The following HLF variants were observed in gnomAD, a reference collection of about 807,000 sequenced individuals.
The protein encoded by HLF is HLF transcription factor, PAR bZIP family member, also known as hepatic leukemia factor.
In HLF, 3 loss-of-function variants were observed where a neutral mutation model predicts 22.6. The observed-to-expected ratio is 0.13, with a 90% CI of 0.06 to 0.34. The LOEUF (loss-of-function observed/expected upper bound fraction) is 0.34, where lower values mean the gene tolerates loss of function less well. Ranked by LOEUF, HLF falls within the 10% of genes least tolerant of loss-of-function variation. The probability of loss-of-function intolerance (pLI) is 1.00; values close to 1 mark genes in which losing one functional copy is unlikely to be tolerated. For missense variants in HLF, 299 were observed against 389.2 expected, an observed-to-expected ratio of 0.77 and a Z score of 1.95; for synonymous variants, 151 against 151.8, an observed-to-expected ratio of 0.99 and a Z score of 0.04.
At chr17:55,266,889 T>A (rs2080796855) in intron 1 of HLF, 2 of 737,430 alleles carry the variant, frequency 2.7e-6, no homozygotes, top group South Asian at 6.2e-5. Context: ...AACATAAATG[T>A]ATAGAATAAC....
rs116001454 is a variant in HLF, at chr17:55,284,460, A to G, written c.451+16374A>G. Among the ~76,000 whole-genome samples, 950 of 152,250 alleles carry G rather than the reference A, an allele frequency of 6.2e-3. 7 individuals carry two copies. Among genetic ancestry groups the G allele is most frequent in the African/African-American group, 0.021 (873 of 41,528 alleles). On this transcript the variant is annotated intron_variant, in intron 2 of 3. Coordinates refer to ENST00000226067, the MANE Select transcript of HLF (RefSeq NM_002126.5). ...GAGCTCTGCATACGGTTAACTTTCA[A>G]TTATCCTGAGGCTGATTAACTGGTT...
chr17:55,309,278 A>G (rs1395729124), intron 2 of HLF, among the ~76,000 whole-genome samples: 2 of 152,206 alleles, frequency 1.3e-5, no homozygotes, highest in African/African-American at 2.4e-5. Context: ...CCGAAAGCCC[A>G]TATCCTTAGG....
At chr17:55,285,341 G>A (rs1381528633) in intron 2 of HLF, among the ~76,000 whole-genome samples, 1 of 152,190 alleles carries the variant, frequency 6.6e-6, no homozygotes, top group Non-Finnish European at 1.5e-5. Flanking sequence ...CCAAGAAAGA[G>A]TAAACATTTG....
At chr17:55,300,758 C>G (rs758963635) in intron 2 of HLF, among the ~76,000 whole-genome samples, 1 of 152,208 alleles carries the variant, frequency 6.6e-6, no homozygotes, top group Non-Finnish European at 1.5e-5. Flanking sequence ...TCTTACCATT[C>G]CTGGTTCCCC....
chr17:55,278,870 AGTATT>A lies in HLF; in HGVS notation c.451+10787_451+10791del, dbSNP rs530699774. Among the ~76,000 whole-genome samples, 164 of 152,346 alleles carry A rather than the reference AGTATT, an allele frequency of 1.1e-3. 1 individual carries two copies. Among genetic ancestry groups the A allele is most frequent in the Non-Finnish European group, 1.9e-3 (127 of 68,028 alleles). On this transcript the variant is annotated intron_variant, in intron 2 of 3. Transcript: ENST00000226067. ...GATCCAATTAGTACTGGATCAAAAT[AGTATT>A]GTTTTTAAAAGGCCAAAGGCCATTG...
rs1905257734 is a variant in HLF at position 55,321,403 on chromosome 17, C to T, written c.*524C>T. ...AATAACTTAGCACTACTCCGCAGCT[C>T]TAGTCCTTTATAAGTTGCTTTCCTC... On this transcript the variant is annotated 3_prime_UTR_variant, in exon 4 of 4. Transcript: ENST00000226067. The T allele has an allele frequency of 8.6e-6, 2 of 232,992 alleles. No homozygotes were observed. The highest frequency in any genetic ancestry group is 1.1e-4 in the Admixed American group (2 of 17,802). 14.4% of individuals were successfully genotyped at this position (232,992 alleles called of 1,614,324 possible).
chr17:55,284,740 G>A (rs978260615), intron 2 of HLF, among the ~76,000 whole-genome samples: 3 of 152,144 alleles, frequency 2.0e-5, no homozygotes, highest in Non-Finnish European at 2.9e-5. Flanking sequence ...AGTTACCTGG[G>A]TCCTGGTGCT....
chr17:55,306,011 A>G (rs1292533876), intron 2 of HLF, among the ~76,000 whole-genome samples: 4 of 152,152 alleles, frequency 2.6e-5, no homozygotes, highest in Non-Finnish European at 4.4e-5. Context: ...CTGCCTTCAT[A>G]TAGCTATTGT....
intron 2 of HLF, among the ~76,000 whole-genome samples, chr17:55,302,161 G>A (rs2081162359): frequency 6.6e-6 from 1 of 152,216 alleles, no homozygotes; most frequent in Admixed American, 6.5e-5. Context: ...GAGGCTGATG[G>A]TCTATAGGAG....
rs571906799 is a variant in HLF, at chr17:55,280,083, G to C, written c.451+11997G>C. Among the ~76,000 whole-genome samples, 8 of 152,298 alleles carry C rather than the reference G, an allele frequency of 5.3e-5. No individual in the cohort carries two copies. In the South Asian group the frequency reaches 1.7e-3, roughly 32 times the overall value. ...TGAGATGATACATGTACAGCACTTA[G>C]AACAGTGCTCAGTATATAAATGGCA... On this transcript the variant is annotated intron_variant, in intron 2 of 3. Transcript: ENST00000226067.
At chr17:55,293,510 A>G (rs895068606) in intron 2 of HLF, among the ~76,000 whole-genome samples, 1 of 152,126 alleles carries the variant, frequency 6.6e-6, no homozygotes, top group African/African-American at 2.4e-5. Flanking sequence ...ATAATAGCTA[A>G]CCCTTCTTTA....
chr17:55,283,702 G>A (rs193024999), intron 2 of HLF: 16 of 152,334 alleles, frequency 1.1e-4, no homozygotes, highest in Admixed American at 9.8e-4. Context: ...CAACACGTAA[G>A]TCCATGGATA....
chr17:55,310,592 CTCTT>C lies in HLF; in HGVS notation c.452-4630_452-4627del, dbSNP rs562603076. Among the ~76,000 whole-genome samples the C allele has an allele frequency of 1.7e-4, 26 of 152,320 alleles. 1 individual carries two copies. Among genetic ancestry groups the C allele is most frequent in the South Asian group, 6.2e-4 (3 of 4,828 alleles). On this transcript the variant is annotated intron_variant, in intron 2 of 3. Transcript: ENST00000226067. Reference sequence around the variant, plus strand: ...AAGCAGTGATCATTAGTCTCAGTCTCTCTTTCTTCTCATTGTCTTGCAGAAACCG... The same window carrying C: ...AAGCAGTGATCATTAGTCTCAGTCTCTCTTCTCATTGTCTTGCAGAAACCG...
intron 2 of HLF, among the ~76,000 whole-genome samples, chr17:55,274,263 A>G (rs532099286): frequency 1.3e-5 from 2 of 152,318 alleles, no homozygotes; most frequent in African/African-American, 4.8e-5. Flanking sequence ...TTTATGTCTC[A>G]GCAATGAAAA....
intron 2 of HLF, among the ~76,000 whole-genome samples, chr17:55,309,464 C>T (rs1904730664): frequency 6.6e-6 from 1 of 152,002 alleles, no homozygotes. Flanking sequence ...GTATCATCAT[C>T]GAGGGATGCC....
chr17:55,295,825 A>G (rs1428814948), intron 2 of HLF, among the ~76,000 whole-genome samples: 1 of 152,244 alleles, frequency 6.6e-6, no homozygotes, highest in Non-Finnish European at 1.5e-5. Flanking sequence ...AGTAAATCAG[A>G]GAAAAGACAA....
intron 3 of HLF, among the ~76,000 whole-genome samples, chr17:55,316,249 C>T (rs9906846): frequency 0.013 from 1,976 of 152,292 alleles, 54 homozygotes; most frequent in African/African-American, 0.045. Context: ...AACTTTCATG[C>T]TTCTTTCCAA....
At chr17:55,273,312 T>G (rs941839981) in intron 2 of HLF, among the ~76,000 whole-genome samples, 1 of 152,170 alleles carries the variant, frequency 6.6e-6, no homozygotes, top group African/African-American at 2.4e-5. Context: ...ATGTGACAAG[T>G]CTGGCCAGTG....
At position 55,312,433 on chromosome 17, in the gene HLF, A is replaced by G. The variant is rs541716883; in HGVS notation, c.452-2794A>G. On this transcript the variant is annotated intron_variant, in intron 2 of 3. Transcript: ENST00000226067. The stretch of plus-strand genomic sequence containing the variant: ...TCACTTCTAGAAATCACTTCTATAA[A>G]AACATATACCTAAAAATCCATCAGT... Among the ~76,000 whole-genome samples the G allele has an allele frequency of 3.2e-4, 49 of 152,368 alleles. 1 individual carries two copies. Among genetic ancestry groups the G allele is most frequent in the Admixed American group, 2.0e-3 (30 of 15,304 alleles).
Sources: gnomAD v4.1 joint callset for allele counts (sites outside exome capture counted in the v4.1 genomes callset) on GRCh38, gnomAD v4.1.1 for gene constraint, MANE v1.5 for transcripts, NCBI Gene and HGNC (gene_info 2026-07-23, HGNC 2026-07-21) for gene names.